The following FAT3 variants were observed in gnomAD, a reference collection of about 807,000 sequenced individuals.
FAT3 encodes protocadherin Fat 3.
FAT3 carries 95 observed loss-of-function variants against 310.2 expected under a neutral mutation model. The observed-to-expected ratio is 0.31, with a 90% confidence interval of 0.26 to 0.36. FAT3 has a LOEUF of 0.36. Ranked by LOEUF, FAT3 falls within the 10% of genes least tolerant of loss-of-function variation. FAT3 has a pLI of 1.00. For synonymous variants in FAT3, 2,314 were observed against 2,192.9 expected (o/e 1.06, Z -1.54); for missense variants, 5,408 against 5,715.6 (o/e 0.95, Z 1.74).
rs1351655430 is a variant in FAT3, at chr11:92,843,923, G to T, written c.10567-11G>T. 6.3e-7 allele frequency: 1 copy of T among 1,576,920 alleles called. No individual in the cohort carries two copies. Among genetic ancestry groups the T allele is most frequent in the East Asian group, 2.2e-5 (1 of 44,470 alleles). On this transcript the variant is annotated splice_polypyrimidine_tract_variant and intron_variant, in intron 18 of 27. Transcript: ENST00000525166. The stretch of plus-strand genomic sequence containing the variant: ...TTCCTTTGTTGCCTTTTCACCTCTT[G>T]GTTGTTTTAGGCAAAGGATTCAGGC...
At chr11:92,491,238 C>T (rs1320263138) in intron 2 of FAT3, among the ~76,000 whole-genome samples, 1 of 152,014 alleles carries the variant, frequency 6.6e-6, no homozygotes, top group Admixed American at 6.6e-5. Flanking sequence ...GCCAATTCTC[C>T]CTTCCTCCTG....
rs114886645 is a variant in FAT3, at chr11:92,645,164, A to G, written c.3608-52220A>G. ...AATGTAAGATAAAAAACATAATTGCAGTTTAGACTTCAGATTTATTTGAAA... is the reference window on the plus strand; with the variant it reads ...AATGTAAGATAAAAAACATAATTGCGGTTTAGACTTCAGATTTATTTGAAA... On this transcript the variant is annotated intron_variant, in intron 3 of 27. Transcript: ENST00000525166. Among the ~76,000 whole-genome samples the G allele has an allele frequency of 4.2e-3, 644 of 152,364 alleles. 4 individuals are homozygous for G. Among genetic ancestry groups the G allele is most frequent in the African/African-American group, 0.015 (612 of 41,590 alleles).
chr11:92,278,913 C>T (rs904536885), intron 1 of FAT3, among the ~76,000 whole-genome samples: 14 of 152,092 alleles, frequency 9.2e-5, no homozygotes, highest in African/African-American at 3.4e-4. Flanking sequence ...GTGTGCTGTT[C>T]ACTCTGAGTT....
At chr11:92,738,960 T>C (rs977079674) in intron 4 of FAT3, among the ~76,000 whole-genome samples, 1 of 152,186 alleles carries the variant, frequency 6.6e-6, no homozygotes, top group African/African-American at 2.4e-5. Context: ...TTATTGTTGC[T>C]ACTGAAGACT....
At chr11:92,328,301 A>ATGC (rs1474872813) in intron 1 of FAT3, among the ~76,000 whole-genome samples, 1 of 152,164 alleles carries the variant, frequency 6.6e-6, no homozygotes, top group Non-Finnish European at 1.5e-5. Flanking sequence ...GTGACAAACG[A>ATGC]TGCTATACTT....
chr11:92,399,417 C>T (rs1033764658), intron 2 of FAT3, among the ~76,000 whole-genome samples: 1 of 152,130 alleles, frequency 6.6e-6, no homozygotes, highest in African/African-American at 2.4e-5. Flanking sequence ...TTTTAAGATT[C>T]TTTTGTCCAC....
intron 2 of FAT3, among the ~76,000 whole-genome samples, chr11:92,380,912 C>T (rs77174213): frequency 0.077 from 11,734 of 152,088 alleles, 659 homozygotes; most frequent in African/African-American, 0.15. Flanking sequence ...TAAAGTGTAC[C>T]TTTCAGTGGC....
rs1477370801 is a variant in FAT3, at chr11:92,315,504, TATATATATAGAGAG to T, written c.-17-36590_-17-36577del. ...GTATATATATATATATATATATATA[TATATATATAGAGAG>T]AGAGAGAGAGAGAGAGAGAGAGAGA... is the stretch of plus-strand genomic sequence containing the variant. On this transcript the variant is annotated intron_variant, in intron 1 of 27. Coordinates refer to ENST00000525166, the MANE Select transcript of FAT3 (RefSeq NM_001367949.2). Among the ~76,000 whole-genome samples the T allele has an allele frequency of 8.3e-3, 758 of 90,794 alleles. 3 individuals are homozygous for T. Among genetic ancestry groups the T allele is most frequent in the African/African-American group, 0.019 (438 of 23,044 alleles). 59.6% of individuals were successfully genotyped at this position (90,794 alleles called of 152,430 possible).
At chr11:92,692,195 A>T (rs1186021258) in intron 3 of FAT3, among the ~76,000 whole-genome samples, 4 of 152,186 alleles carry the variant, frequency 2.6e-5, no homozygotes, top group African/African-American at 4.8e-5. Flanking sequence ...TATTCAAAGG[A>T]TGGAGGAGAG....
intron 19 of FAT3, among the ~76,000 whole-genome samples, chr11:92,853,053 T>A (rs917972764): frequency 6.6e-6 from 1 of 152,192 alleles, no homozygotes; most frequent in Admixed American, 6.5e-5. Flanking sequence ...TTCTGCCCAC[T>A]CAGCCCAGCA....
intron 19 of FAT3, among the ~76,000 whole-genome samples, chr11:92,852,202 C>A (rs148599726): frequency 9.9e-5 from 15 of 152,254 alleles, no homozygotes; most frequent in Non-Finnish European, 2.1e-4. Flanking sequence ...TCATAAAGGA[C>A]TTAATTTTTT....
At chr11:92,495,624 T>C (rs1386867914) in intron 2 of FAT3, among the ~76,000 whole-genome samples, 1 of 152,032 alleles carries the variant, frequency 6.6e-6, no homozygotes, top group East Asian at 1.9e-4. Flanking sequence ...GCTGTTTCAA[T>C]CATTGACACA....
chr11:92,799,559 A>G lies in FAT3; in HGVS notation c.6546A>G (p.Ala2182=), dbSNP rs757981062. The G allele has an allele frequency of 6.2e-7, 1 of 1,613,812 alleles. No homozygotes were observed. The highest frequency in any genetic ancestry group is 8.5e-7 in the Non-Finnish European group (1 of 1,179,846). The part of the protein sequence containing the change: ...VELPITIVNK[A]MPVFDKPFYT... ...TTCCCATCACTATTGTCAACAAAGC[A>G]ATGCCTGTGTTTGATAAGCCCTTTT... Residue 2182 remains alanine, a synonymous_variant, in exon 10 of 28, where the codon GCA becomes GCG. Transcript: ENST00000525166.
intron 3 of FAT3, among the ~76,000 whole-genome samples, chr11:92,665,092 A>G (rs116377155): frequency 1.7e-3 from 265 of 152,318 alleles, no homozygotes; most frequent in African/African-American, 5.9e-3. Context: ...GGTCATTTTT[A>G]TCCAATTCTG....
At chr11:92,750,720 G>C (rs562585138) in intron 4 of FAT3, among the ~76,000 whole-genome samples, 1 of 152,122 alleles carries the variant, frequency 6.6e-6, no homozygotes, top group East Asian at 1.9e-4. Context: ...TGGAACGTTA[G>C]CATGCGTGAC....
chr11:92,229,490 GTGT>G (rs1391658463), intron 1 of FAT3, among the ~76,000 whole-genome samples: 1 of 46,842 alleles, frequency 2.1e-5, no homozygotes, highest in Non-Finnish European at 4.5e-5. Flanking sequence ...TTGTTTTTTC[GTGT>G]TTTTTTTTTT....
chr11:92,875,525 A>G (rs1490069553), intron 22 of FAT3, among the ~76,000 whole-genome samples: 2 of 151,508 alleles, frequency 1.3e-5, no homozygotes, highest in African/African-American at 2.4e-5. Context: ...TTGTATCCCC[A>G]GTGCTTGCCA....
chr11:92,428,623 C>T (rs183254259), intron 2 of FAT3, among the ~76,000 whole-genome samples: 3 of 152,202 alleles, frequency 2.0e-5, no homozygotes, highest in Admixed American at 1.3e-4. Context: ...TTTATTTCTA[C>T]CTCAATTTCA....
At chr11:92,826,837 C>T (rs1349083874) in intron 13 of FAT3, among the ~76,000 whole-genome samples, 2 of 152,168 alleles carry the variant, frequency 1.3e-5, no homozygotes, top group African/African-American at 4.8e-5. Flanking sequence ...GAGTGAATGT[C>T]AGAGACAAGA....
Sources: gnomAD v4.1 joint callset for allele counts (sites outside exome capture counted in the v4.1 genomes callset) on GRCh38, gnomAD v4.1.1 for gene constraint, MANE v1.5 for transcripts, NCBI Gene and HGNC (gene_info 2026-07-23, HGNC 2026-07-21) for gene names.